Variants in MEGF6 observed in about 807,000 individuals in gnomAD.
The protein encoded by MEGF6 is multiple epidermal growth factor-like domains protein 6.
In MEGF6, 184 loss-of-function variants were observed where a neutral mutation model predicts 207.1. The ratio of observed to expected loss-of-function variants is 0.89; its 90% CI spans 0.79 to 1.00. The LOEUF is 1.00. MEGF6 is among the 50% of genes least tolerant of loss of function. The probability of loss-of-function intolerance (pLI) is 0.00; values close to 1 mark genes in which losing one functional copy is unlikely to be tolerated. For missense variants in MEGF6, 2,282 were observed against 2,202.9 expected, an observed-to-expected ratio of 1.04 and a Z score of -0.72; for synonymous variants, 1,038 against 910.0, an observed-to-expected ratio of 1.14 and a Z score of -2.53.
At chr1:3,497,903 G>C (rs949310153) in intron 26 of MEGF6, among the ~76,000 whole-genome samples, 3 of 152,192 alleles carry the variant, frequency 2.0e-5, no homozygotes, top group African/African-American at 7.2e-5. Flanking sequence ...CCGGGGCTTT[G>C]AGGAATGAGG....
intron 3 of MEGF6, among the ~76,000 whole-genome samples, chr1:3,581,145 T>C (rs1243564831): frequency 6.6e-6 from 1 of 152,168 alleles, no homozygotes; most frequent in Non-Finnish European, 1.5e-5. Flanking sequence ...TCAGGGCCTA[T>C]GTGGCCATCC....
intron 4 of MEGF6, among the ~76,000 whole-genome samples, chr1:3,576,524 G>A (rs554951282): frequency 7.4e-4 from 112 of 152,258 alleles, no homozygotes; most frequent in African/African-American, 2.5e-3. Flanking sequence ...AACTGCGTTT[G>A]AGCTCAGGTC....
rs1310921761 is a variant in MEGF6 at position 3,560,104 on chromosome 1, G to T, written c.481+19721C>A. Among the ~76,000 whole-genome samples, 1 of 149,902 alleles carries T rather than the reference G, an allele frequency of 6.7e-6. No homozygotes were observed. The highest frequency in any genetic ancestry group is 2.4e-5 in the African/African-American group (1 of 41,016). On this transcript the variant is annotated intron_variant, in intron 4 of 36. Transcript: ENST00000356575. This position sits in a 1 kb window ranked among gnomAD's most constrained non-coding sequence, Gnocchi z 4.0. The stretch of plus-strand genomic sequence containing the variant: ...TCAGGGCAGGAGAGGGCCTGGCAAG[G>T]TTAGTCCCAGAGGGCAAAGAAGGCT...
chr1:3,508,651 T>C lies in MEGF6; in HGVS notation c.1567A>G (p.Thr523Ala). The C allele has an allele frequency of 1.2e-6, 2 of 1,613,270 alleles. No individual in the cohort carries two copies. The highest frequency in any genetic ancestry group is 1.7e-6 in the Non-Finnish European group (2 of 1,179,896). The change falls in exon 13 of 37, where the codon ACC (threonine) becomes GCC (alanine). Residue 523 changes from threonine (T) to alanine (A), a missense_variant. Transcript: ENST00000356575. ...CCTCCGTTCCTGCAGTCATCACAGG[T>C]CAAGCTGCAGTCATGGCCAAAGGAG... is the stretch of plus-strand genomic sequence containing the variant. ...DDSFGHDCSL[T>A]CDDCRNGGTC...
intron 4 of MEGF6, among the ~76,000 whole-genome samples, chr1:3,545,155 G>A (rs745593589): frequency 1.1e-4 from 16 of 152,130 alleles, no homozygotes; most frequent in Non-Finnish European, 1.9e-4. Context: ...TGTCCGCTGC[G>A]GGTCTTCGTG....
chr1:3,578,269 A>C (rs1419150742), intron 4 of MEGF6, among the ~76,000 whole-genome samples: 1 of 152,232 alleles, frequency 6.6e-6, no homozygotes, highest in Non-Finnish European at 1.5e-5. Context: ...TTTCCGCGTG[A>C]AACCAAAGTC....
At chr1:3,595,886 G>A (rs1258382798) in intron 2 of MEGF6, among the ~76,000 whole-genome samples, 1 of 152,162 alleles carries the variant, frequency 6.6e-6, no homozygotes, top group East Asian at 1.9e-4. Flanking sequence ...AGCCAAGTGG[G>A]CCCATGGTGC....
intron 4 of MEGF6, among the ~76,000 whole-genome samples, chr1:3,572,436 C>T (rs1643529310): frequency 9.1e-6 from 1 of 109,400 alleles, no homozygotes; most frequent in Non-Finnish European, 1.8e-5. Flanking sequence ...TGTGCTGGGT[C>T]CTCCTGGGTG....
At position 3,545,106 on chromosome 1, in the gene MEGF6, T is replaced by C. The variant is rs569290749; in HGVS notation, c.482-20860A>G. On this transcript the variant is annotated intron_variant, in intron 4 of 36. Coordinates refer to ENST00000356575, the MANE Select transcript of MEGF6 (RefSeq NM_001409.4). ...GACACACAGGCCCCCACCCCATCAG[T>C]TACAACAGGGGAGTTTCAGGGGCCG... Among the ~76,000 whole-genome samples, 12 of 152,080 alleles carry C rather than the reference T, an allele frequency of 7.9e-5. No individual in the cohort carries two copies. In the South Asian group the frequency reaches 1.5e-3, roughly 18 times the overall value.
At chr1:3,546,097 C>T (rs899263442) in intron 4 of MEGF6, among the ~76,000 whole-genome samples, 1 of 152,346 alleles carries the variant, frequency 6.6e-6, no homozygotes, top group East Asian at 1.9e-4. Context: ...CAGATCCACC[C>T]CAGGGTCAGA....
intron 4 of MEGF6, among the ~76,000 whole-genome samples, chr1:3,579,011 C>T (rs1199229441): frequency 6.6e-6 from 1 of 152,274 alleles, no homozygotes; most frequent in Non-Finnish European, 1.5e-5. Flanking sequence ...GAGTGCATCT[C>T]TCGCTCTGCC....
chr1:3,578,538 G>A (rs570352316), intron 4 of MEGF6, among the ~76,000 whole-genome samples: 1 of 81,714 alleles, frequency 1.2e-5, no homozygotes, highest in African/African-American at 9.3e-5. Flanking sequence ...AGGGGCCCTG[G>A]GGGGGGGGGG....
rs1247312427 is a variant in MEGF6, at chr1:3,506,250, G to A, written c.1790-14C>T. 6.2e-7 allele frequency: 1 copy of A among 1,606,468 alleles called. No homozygotes were observed. The highest frequency in any genetic ancestry group is 8.5e-7 in the Non-Finnish European group (1 of 1,177,404). On this transcript the variant is annotated splice_polypyrimidine_tract_variant and intron_variant, in intron 14 of 36. Transcript: ENST00000356575. Reference sequence around the variant, plus strand: ...CCTTGGGGCAGCCTGGGGGCAGCGGGGCTCCATGTGAACCTTGGTGGCAGC... The same window carrying A: ...CCTTGGGGCAGCCTGGGGGCAGCGGAGCTCCATGTGAACCTTGGTGGCAGC...
Position 3,611,123 on chromosome 1 carries a change from G to T in MEGF6, c.131+15C>A. 6.7e-7 allele frequency: 1 copy of T among 1,496,804 alleles called. No homozygotes were observed. Among genetic ancestry groups the T allele is most frequent in the Non-Finnish European group, 8.8e-7 (1 of 1,131,918 alleles). The allele number at this position is 1,496,804 out of a possible 1,614,324, so 92.7% of individuals were successfully genotyped here. A position where few individuals can be genotyped will look rare whatever the true frequency, so the allele number is the denominator to read the frequency against. On this transcript the variant is annotated intron_variant, in intron 1 of 36. Coordinates refer to ENST00000356575, the MANE Select transcript of MEGF6 (RefSeq NM_001409.4). ...CTGGACGACCGGCCGAGCCCTCCCA[G>T]CTCCTGCTACTCACATGCCGGGCTG...
chr1:3,523,320 G>C (rs1481506931), intron 5 of MEGF6, among the ~76,000 whole-genome samples: 1 of 152,182 alleles, frequency 6.6e-6, no homozygotes, highest in African/African-American at 2.4e-5. Context: ...GTGCCGAAGG[G>C]TGAGGGTGGC....
chr1:3,516,014 G>A (rs1191437170), intron 5 of MEGF6, among the ~76,000 whole-genome samples: 1 of 152,244 alleles, frequency 6.6e-6, no homozygotes, highest in Non-Finnish European at 1.5e-5. Flanking sequence ...ATGTGGGGAT[G>A]CCGTGGACAG....
At chr1:3,604,231 C>G (rs1384344444) in intron 1 of MEGF6, among the ~76,000 whole-genome samples, 1 of 152,232 alleles carries the variant, frequency 6.6e-6, no homozygotes, top group Non-Finnish European at 1.5e-5. Flanking sequence ...TGCCCACACT[C>G]TCCCGCAGTT....
At chr1:3,496,912 C>A in intron 28 of MEGF6, 76 bp downstream of exon 28, 1 of 1,527,696 alleles carries the variant, frequency 6.5e-7, no homozygotes, top group South Asian at 1.2e-5. Context: ...AGGGCCTTCC[C>A]GGGGACCAGG....
At chr1:3,517,320 C>T (rs1007263529) in intron 5 of MEGF6, among the ~76,000 whole-genome samples, 1 of 152,164 alleles carries the variant, frequency 6.6e-6, no homozygotes, top group Non-Finnish European at 1.5e-5. Flanking sequence ...CAGGCAGAGC[C>T]CTGAGACGCA....
Sources: gnomAD v4.1 joint callset for allele counts (sites outside exome capture counted in the v4.1 genomes callset) on GRCh38, gnomAD v4.1.1 for gene constraint, Gnocchi (gnomAD v3.1) non-coding constraint, MANE v1.5 for transcripts, NCBI Gene and HGNC (gene_info 2026-07-23, HGNC 2026-07-21) for gene names.